The following MYT1L variants were observed in gnomAD, a reference collection of about 807,000 sequenced individuals.
MYT1L encodes myelin transcription factor 1 like.
In MYT1L, 12 loss-of-function variants were observed where a neutral mutation model predicts 126.7. That is an observed-to-expected ratio of 0.09 (90% CI 0.06 to 0.15). The LOEUF (loss-of-function observed/expected upper bound fraction) is 0.15, where lower values mean the gene tolerates loss of function less well. MYT1L is among the 10% of genes least tolerant of loss of function. The pLI, the probability that MYT1L is intolerant of heterozygous loss-of-function variation, is 1.00. For synonymous variants in MYT1L, 541 were observed against 604.2 expected (o/e 0.90, Z 1.53); for missense variants, 979 against 1,585.2 (o/e 0.62, Z 6.49).
At chr2:1,938,274 T>C (rs2056239578) in intron 9 of MYT1L, among the ~76,000 whole-genome samples, 1 of 152,226 alleles carries the variant, frequency 6.6e-6, no homozygotes, top group African/African-American at 2.4e-5. Flanking sequence ...TTGCTAGGTA[T>C]TATATATCCA....
At chr2:1,957,960 G>A (rs907972095) in intron 8 of MYT1L, among the ~76,000 whole-genome samples, 1 of 152,154 alleles carries the variant, frequency 6.6e-6, no homozygotes, top group Non-Finnish European at 1.5e-5. Flanking sequence ...ATTTCCAGCT[G>A]GGCCCCAAGC....
At chr2:2,320,302 C>G (rs1427828651) in intron 1 of MYT1L, among the ~76,000 whole-genome samples, 2 of 151,982 alleles carry the variant, frequency 1.3e-5, no homozygotes, top group Non-Finnish European at 2.9e-5. Flanking sequence ...CCATGGCTGT[C>G]TTTTTCCTAC....
chr2:2,066,328 C>A (rs996193762), intron 3 of MYT1L, among the ~76,000 whole-genome samples: 3 of 152,172 alleles, frequency 2.0e-5, no homozygotes, highest in Non-Finnish European at 4.4e-5. Context: ...AACCTCAGCA[C>A]AACTTCCAGT....
chr2:2,136,475 T>A (rs2083070004), intron 3 of MYT1L, among the ~76,000 whole-genome samples: 1 of 152,114 alleles, frequency 6.6e-6, no homozygotes, highest in Non-Finnish European at 1.5e-5. Context: ...TTCTGAGAGA[T>A]GTAGATATGA....
chr2:1,806,160 TG>T lies in MYT1L; in HGVS notation c.3172+2915del, dbSNP rs1328410664. On this transcript the variant is annotated intron_variant, in intron 22 of 24. Transcript: ENST00000647738. The surrounding 1 kb of genome is among the most constrained non-coding windows in gnomAD (Gnocchi z 4.9). ...GAAATGATGCCTGGGCACACAACTG[TG>T]CTCTGGGGGTAAGAAAGAACTATCT... is the stretch of plus-strand genomic sequence containing the variant. 6.6e-6 allele frequency among the ~76,000 whole-genome samples: 1 copy of T among 152,140 alleles called. No individual in the cohort carries two copies. Among genetic ancestry groups the T allele is most frequent in the African/African-American group, 2.4e-5 (1 of 41,426 alleles).
At position 2,116,164 on chromosome 2, in the gene MYT1L, G is replaced by A. The variant is rs561867312; in HGVS notation, c.-304+56708C>T. Among the ~76,000 whole-genome samples the A allele has an allele frequency of 9.8e-5, 15 of 152,340 alleles. No homozygotes were observed. In the East Asian group the frequency reaches 1.9e-3, roughly 20 times the overall value. On this transcript the variant is annotated intron_variant, in intron 3 of 24. Transcript: ENST00000647738. ...TGCTGAGGGCTAGGCACAAAACCACGAGGAAGAAAAGGCCATCCAGGGACT... is the reference window on the plus strand; with the variant it reads ...TGCTGAGGGCTAGGCACAAAACCACAAGGAAGAAAAGGCCATCCAGGGACT...
intron 2 of MYT1L, among the ~76,000 whole-genome samples, chr2:2,223,213 A>T (rs1243972636): frequency 6.6e-6 from 1 of 152,196 alleles, no homozygotes; most frequent in African/African-American, 2.4e-5. Flanking sequence ...GACCTGGTTA[A>T]CTCCTTTCTG....
chr2:2,086,133 G>A (rs961467278), intron 3 of MYT1L, among the ~76,000 whole-genome samples: 1 of 152,148 alleles, frequency 6.6e-6, no homozygotes. Flanking sequence ...TGATAAAGAA[G>A]ACTGAAATTA....
intron 2 of MYT1L, among the ~76,000 whole-genome samples, chr2:2,230,704 G>C (rs1190169440): frequency 6.6e-6 from 1 of 152,232 alleles, no homozygotes; most frequent in Non-Finnish European, 1.5e-5. Context: ...TGACAGCACT[G>C]ATGTTGCCGG....
chr2:1,862,589 A>G (rs989923358), intron 18 of MYT1L, among the ~76,000 whole-genome samples: 1 of 152,238 alleles, frequency 6.6e-6, no homozygotes, highest in Admixed American at 6.5e-5. Flanking sequence ...AGAAGATTGA[A>G]GAAGATTCTA....
chr2:1,804,877 A>G (rs1444034408), intron 22 of MYT1L, among the ~76,000 whole-genome samples: 1 of 152,200 alleles, frequency 6.6e-6, no homozygotes, highest in Non-Finnish European at 1.5e-5. Flanking sequence ...TCCTTTCCCT[A>G]GCTTGCTTTC....
rs1355395220 is a variant in MYT1L at position 1,793,894 on chromosome 2, G to A, written c.3277-1430C>T. Among the ~76,000 whole-genome samples the A allele has an allele frequency of 1.3e-5, 2 of 152,118 alleles. No homozygotes were observed. The highest frequency in any genetic ancestry group is 6.5e-5 in the Admixed American group (1 of 15,284). The stretch of plus-strand genomic sequence containing the variant: ...CTCCCACGACTCCTGGGTGGGCCTC[G>A]AAGGGCTGCGTGCCCGGTGCTTGTC... On this transcript the variant is annotated intron_variant, in intron 23 of 24. Transcript: ENST00000647738. This position sits in a 1 kb window ranked among gnomAD's most constrained non-coding sequence, Gnocchi z 4.6.
chr2:1,945,974 G>C (rs1325742181), intron 8 of MYT1L, among the ~76,000 whole-genome samples: 1 of 152,140 alleles, frequency 6.6e-6, no homozygotes, highest in Non-Finnish European at 1.5e-5. Flanking sequence ...TTTGTGGCCT[G>C]TTAGGAACTG....
In MYT1L at chr2:1,805,068, G is replaced by C. The variant is rs555157196; in HGVS notation, c.3173-3269C>G. The stretch of plus-strand genomic sequence containing the variant: ...GGTTCTGAAGGGAGACTCACTAACA[G>C]CCACGCCGGCTGCTCAGGCAGAGCT... On this transcript the variant is annotated intron_variant, in intron 22 of 24. Coordinates refer to ENST00000647738, the MANE Select transcript of MYT1L (RefSeq NM_001303052.2). Among the ~76,000 whole-genome samples, 13 of 152,290 alleles carry C rather than the reference G, an allele frequency of 8.5e-5. No homozygotes were observed. In the South Asian group the frequency reaches 2.7e-3, roughly 32 times the overall value.
At chr2:1,830,863 C>T (rs1572645728) in intron 21 of MYT1L, among the ~76,000 whole-genome samples, 2 of 152,188 alleles carry the variant, frequency 1.3e-5, no homozygotes, top group African/African-American at 4.8e-5. Flanking sequence ...CTCCAAATTC[C>T]ACAGCCCCTT....
intron 1 of MYT1L, chr2:2,319,273 T>C (rs2096120647): frequency 6.6e-6 from 1 of 152,206 alleles, no homozygotes; most frequent in Admixed American, 6.5e-5. Context: ...TCCAAAATGT[T>C]CTGTTGTTGA....
At chr2:1,959,499 G>A (rs6733654) in intron 8 of MYT1L, among the ~76,000 whole-genome samples, 14,294 of 152,240 alleles carry the variant, frequency 0.094, 1,226 homozygotes, top group African/African-American at 0.23. Context: ...TGGATTTGTG[G>A]ACATGAGATG....
At chr2:1,794,445 T>A (rs1269452980) in intron 23 of MYT1L, among the ~76,000 whole-genome samples, 1 of 152,210 alleles carries the variant, frequency 6.6e-6, no homozygotes, top group Non-Finnish European at 1.5e-5. Context: ...GTGTCTGCAG[T>A]GAGAAGACAT....
intron 3 of MYT1L, among the ~76,000 whole-genome samples, chr2:2,108,278 G>A (rs988201793): frequency 3.3e-5 from 5 of 152,284 alleles, no homozygotes; most frequent in South Asian, 4.1e-4. Context: ...GCCACACTGC[G>A]TATGCTTTCA....
Sources: gnomAD v4.1 joint callset for allele counts (sites outside exome capture counted in the v4.1 genomes callset) on GRCh38, gnomAD v4.1.1 for gene constraint, Gnocchi (gnomAD v3.1) non-coding constraint, MANE v1.5 for transcripts, NCBI Gene and HGNC (gene_info 2026-07-23, HGNC 2026-07-21) for gene names.